Variants in GTF2A1L observed in about 807,000 individuals in gnomAD.
The protein encoded by GTF2A1L is general transcription factor IIA subunit 1 like, also known as TFIIA-alpha and beta-like factor.
GTF2A1L carries 48 observed loss-of-function variants against 49.7 expected under a neutral mutation model. The ratio of observed to expected loss-of-function variants is 0.97; its 90% CI spans 0.77 to 1.23. The LOEUF (loss-of-function observed/expected upper bound fraction) is 1.23. Among genes scored for constraint, GTF2A1L ranks in the 50% most tolerant of loss-of-function variants. The pLI is 0.00. For missense variants in GTF2A1L, 736 were observed against 564.8 expected (o/e 1.30, Z -3.07); for synonymous variants, 246 against 193.5 (o/e 1.27, Z -2.25).
intron 6 of GTF2A1L, 138 bp from the exon 7 acceptor site, chr2:48,669,584 A>G (rs1218380419): frequency 1.9e-6 from 2 of 1,041,348 alleles, no homozygotes; most frequent in African/African-American, 1.6e-5. Context: ...CTAAAATTCA[A>G]AGTTAGATTT....
intron 1 of GTF2A1L, chr2:48,618,103 G>A (rs769808897): frequency 9.1e-6 from 5 of 547,164 alleles, no homozygotes; most frequent in Non-Finnish European, 1.6e-5. Flanking sequence ...GGCCAGCCCC[G>A]CCAAAAGAAC....
intron 6 of GTF2A1L, among the ~76,000 whole-genome samples, chr2:48,656,016 C>G (rs989202508): frequency 6.6e-6 from 1 of 152,152 alleles, no homozygotes; most frequent in African/African-American, 2.4e-5. Flanking sequence ...GAACTTATCT[C>G]CTTGTTTTAA....
intron 4 of GTF2A1L, 150 bp downstream of exon 4, chr2:48,642,607 C>A: frequency 1.6e-6 from 1 of 626,980 alleles, no homozygotes; most frequent in Non-Finnish European, 2.5e-6. Flanking sequence ...GTAATTCCAG[C>A]ACTTTGGGAG....
At chr2:48,649,908 C>G (rs754193673) in intron 6 of GTF2A1L, among the ~76,000 whole-genome samples, 2 of 152,200 alleles carry the variant, frequency 1.3e-5, no homozygotes, top group Admixed American at 6.5e-5. Context: ...TGGTTTTCAA[C>G]CTTGTTATTT....
At chr2:48,637,021 A>T (rs1676931979) in intron 3 of GTF2A1L, among the ~76,000 whole-genome samples, 1 of 152,164 alleles carries the variant, frequency 6.6e-6, no homozygotes, top group Non-Finnish European at 1.5e-5. Flanking sequence ...CCTAAAGTAT[A>T]GGTGTAAACT....
intron 3 of GTF2A1L, among the ~76,000 whole-genome samples, chr2:48,639,890 A>T (rs1677108799): frequency 6.6e-6 from 1 of 152,238 alleles, no homozygotes; most frequent in South Asian, 2.1e-4. Context: ...GATAAAGGAC[A>T]TGAACAGACA....
At chr2:48,672,488 AT>A (rs1467398937) in intron 8 of GTF2A1L, among the ~76,000 whole-genome samples, 2 of 152,174 alleles carry the variant, frequency 1.3e-5, no homozygotes, top group African/African-American at 4.8e-5. Context: ...GAAAAAGCAA[AT>A]GGTAAAAGTG....
chr2:48,671,448 C>G, intron 7 of GTF2A1L, 143 bp from the exon 8 acceptor site: 1 of 693,986 alleles, frequency 1.4e-6, no homozygotes, highest in Non-Finnish European at 2.2e-6. Context: ...AAGCAATCTG[C>G]CTGCCTAGGC....
intron 6 of GTF2A1L, among the ~76,000 whole-genome samples, chr2:48,648,223 T>A (rs980130360): frequency 1.6e-5 from 2 of 125,942 alleles, no homozygotes; most frequent in African/African-American, 5.5e-5. Flanking sequence ...TTTATTGAGG[T>A]TTTTTTTACG....
At chr2:48,632,193 G>C (rs544101008) in intron 3 of GTF2A1L, 1 of 152,142 alleles carries the variant, frequency 6.6e-6, no homozygotes, top group East Asian at 1.9e-4. Context: ...TTATATTCCA[G>C]TCCCAGAAGT....
At chr2:48,657,657 C>G (rs1678256841) in intron 6 of GTF2A1L, among the ~76,000 whole-genome samples, 1 of 151,934 alleles carries the variant, frequency 6.6e-6, no homozygotes, top group East Asian at 1.9e-4. Flanking sequence ...GCTCTATTTT[C>G]TTTGAGAAAT....
Position 48,621,211 on chromosome 2 carries a change from C to T in GTF2A1L, c.168C>T (p.Phe56=), listed in dbSNP as rs1675979158. 1.2e-6 allele frequency: 2 copies of T among 1,613,924 alleles called. No individual in the cohort carries two copies. The highest frequency in any genetic ancestry group is 1.7e-6 in the Non-Finnish European group (2 of 1,179,976). Residue 56 remains phenylalanine, a synonymous_variant, in exon 3 of 9, where the codon TTC becomes TTT. Transcript: ENST00000403751. Reference sequence around the variant, plus strand: ...TGCAGTCTAAAGCAACAGAAGACTTCTTCAGAAATAGCATCCAATCACCTC... The same window carrying T: ...TGCAGTCTAAAGCAACAGAAGACTTTTTCAGAAATAGCATCCAATCACCTC... ...KVLQSKATED[F]FRNSIQSPLF...
At chr2:48,665,165 G>T (rs1366832844) in intron 6 of GTF2A1L, among the ~76,000 whole-genome samples, 1 of 151,970 alleles carries the variant, frequency 6.6e-6, no homozygotes, top group African/African-American at 2.4e-5. Context: ...CAAGTGATCC[G>T]CCTGCCTTGG....
intron 8 of GTF2A1L, among the ~76,000 whole-genome samples, chr2:48,676,980 T>C (rs771143110): frequency 6.6e-6 from 1 of 151,830 alleles, no homozygotes; most frequent in Non-Finnish European, 1.5e-5. Flanking sequence ...AAGAAATCTA[T>C]TTCGTCCCTA....
At position 48,646,536 on chromosome 2, in the gene GTF2A1L, G is replaced by A; in HGVS notation, c.472G>A (p.Val158Ile). Residue 158 changes from valine to isoleucine, a missense_variant, in exon 6 of 9, where the codon GTA (valine) becomes ATA (isoleucine). Coordinates refer to ENST00000403751, the MANE Select transcript of GTF2A1L (RefSeq NM_006872.5). ...AGILQHPIQQ[V>I]FQQLGQPSVI... is the part of the protein sequence containing the mutation. ...TATTCTTCAGCATCCAATTCAGCAA[G>A]TATTTCAACAGCTTGGCCAGCCTTC... 1 of 1,614,154 alleles carries A rather than the reference G, an allele frequency of 6.2e-7. No individual in the cohort carries two copies.
chr2:48,676,030 C>CT, intron 8 of GTF2A1L, among the ~76,000 whole-genome samples: 1 of 151,934 alleles, frequency 6.6e-6, no homozygotes, highest in East Asian at 1.9e-4. Flanking sequence ...TTAGTAGCTC[C>CT]TTTTCCTGTT....
intron 3 of GTF2A1L, among the ~76,000 whole-genome samples, chr2:48,640,093 TTGG>T (rs1371884249): frequency 1.3e-5 from 2 of 152,200 alleles, no homozygotes; most frequent in East Asian, 3.8e-4. Context: ...TGATATACTG[TTGG>T]TGGGAGTGCA....
Position 48,617,865 on chromosome 2 carries a change from A to G in GTF2A1L, c.-10A>G. On this transcript the variant is annotated 5_prime_UTR_variant, in exon 1 of 9. Coordinates refer to ENST00000403751, the MANE Select transcript of GTF2A1L (RefSeq NM_006872.5). Reference sequence around the variant, plus strand: ...GCAGGCGCAAAGGGCCAGGTGCTGGAGGTGCTGTCATGGCCTGCCTCAACC... The same window carrying G: ...GCAGGCGCAAAGGGCCAGGTGCTGGGGGTGCTGTCATGGCCTGCCTCAACC... 6.4e-7 allele frequency: 1 copy of G among 1,551,798 alleles called. No individual in the cohort carries two copies. Among genetic ancestry groups the G allele is most frequent in the Non-Finnish European group, 8.7e-7 (1 of 1,147,028 alleles).
At chr2:48,673,158 T>C (rs1273977611) in intron 8 of GTF2A1L, among the ~76,000 whole-genome samples, 2 of 152,212 alleles carry the variant, frequency 1.3e-5, no homozygotes, top group Non-Finnish European at 2.9e-5. Flanking sequence ...AATAATAGTC[T>C]ATTGAATGGA....
Sources: gnomAD v4.1 joint callset for allele counts (sites outside exome capture counted in the v4.1 genomes callset) on GRCh38, gnomAD v4.1.1 for gene constraint, MANE v1.5 for transcripts, NCBI Gene and HGNC (gene_info 2026-07-23, HGNC 2026-07-21) for gene names.